Variants in NGLY1 observed in about 807,000 individuals in gnomAD.
NGLY1 encodes the protein N-glycanase 1.
In NGLY1, 68 loss-of-function variants were observed where a neutral mutation model predicts 84.6. That is an observed-to-expected ratio of 0.80 (90% confidence interval 0.66 to 0.98). The LOEUF is 0.98. Ranked by LOEUF, NGLY1 falls within the 50% of genes least tolerant of loss-of-function variation. The probability of loss-of-function intolerance (pLI) is 0.00; values close to 1 mark genes in which losing one functional copy is unlikely to be tolerated. For synonymous variants in NGLY1, 280 were observed against 275.2 expected (o/e 1.02, Z -0.17); for missense variants, 779 against 770.2 (o/e 1.01, Z -0.14).
At chr3:25,721,832 A>AT (rs1705011423) in intron 10 of NGLY1, among the ~76,000 whole-genome samples, 2 of 144,640 alleles carry the variant, frequency 1.4e-5, no homozygotes, top group South Asian at 4.4e-4. Context: ...GCTCCTTTTT[A>AT]TTTTTTTATA....
At chr3:25,734,177 T>C in intron 7 of NGLY1, 195 bp from the exon 8 acceptor site, 1 of 568,466 alleles carries the variant, frequency 1.8e-6, no homozygotes, top group Non-Finnish European at 2.9e-6. Context: ...GAGATTCTCG[T>C]ATCTCAGCCT....
intron 4 of NGLY1, among the ~76,000 whole-genome samples, chr3:25,748,047 C>T (rs931279105): frequency 3.3e-5 from 5 of 152,074 alleles, no homozygotes; most frequent in African/African-American, 1.2e-4. Flanking sequence ...CAATTAAGGC[C>T]TCTCCAGGGA....
At chr3:25,721,506 C>A (rs1164320924) in intron 10 of NGLY1, among the ~76,000 whole-genome samples, 1 of 152,052 alleles carries the variant, frequency 6.6e-6, no homozygotes, top group East Asian at 1.9e-4. Context: ...GTAATCCCAG[C>A]ACTTTGGGAG....
chr3:25,743,267 C>T (rs1008717584), intron 4 of NGLY1, among the ~76,000 whole-genome samples: 1 of 152,096 alleles, frequency 6.6e-6, no homozygotes, highest in Non-Finnish European at 1.5e-5. Flanking sequence ...TTTATTTCAC[C>T]AAGTTTGTGG....
chr3:25,774,634 C>T (rs886201263), intron 2 of NGLY1, among the ~76,000 whole-genome samples: 1 of 152,174 alleles, frequency 6.6e-6, no homozygotes. Flanking sequence ...GTCTCACTCC[C>T]ACCATGCTCC....
intron 6 of NGLY1, 74 bp downstream of exon 6, chr3:25,737,260 T>A: frequency 7.8e-7 from 1 of 1,285,676 alleles, no homozygotes; most frequent in Non-Finnish European, 1.1e-6. Context: ...CAGAGAATCA[T>A]GGGCTCAGAA....
chr3:25,749,677 CA>C, intron 4 of NGLY1: 1 of 1,566,620 alleles, frequency 6.4e-7, no homozygotes. Context: ...ATGGGAGCAA[CA>C]AAAAAACAAA....
At position 25,780,596 on chromosome 3, in the gene NGLY1, T is replaced by C. The variant is rs1007946019; in HGVS notation, c.132-1908A>G. 7.2e-5 allele frequency among the ~76,000 whole-genome samples: 11 copies of C among 152,202 alleles called. No individual in the cohort carries two copies. In the South Asian group the frequency reaches 2.3e-3, roughly 31 times the overall value. On this transcript the variant is annotated intron_variant, in intron 1 of 11. Coordinates refer to ENST00000280700, the MANE Select transcript of NGLY1 (RefSeq NM_018297.4). ...TTTCACAATTGTTTAAAAATTCTTA[T>C]AAAATACACATCAGTTCTCATATAG...
chr3:25,767,983 G>A (rs1707674937), intron 2 of NGLY1, among the ~76,000 whole-genome samples: 1 of 151,444 alleles, frequency 6.6e-6, no homozygotes, highest in Admixed American at 6.6e-5. Context: ...CGTGGTGGCA[G>A]GCACCTGTAA....
upstream of NGLY1, chr3:25,783,662 G>C (rs1258437670): frequency 1.4e-5 from 4 of 278,234 alleles, no homozygotes; most frequent in African/African-American, 7.1e-5. This position sits in a 1 kb window ranked among gnomAD's most constrained non-coding sequence, Gnocchi z 4.5. Flanking sequence ...GCTCGGCTGG[G>C]AGCTACGGCT....
intron 5 of NGLY1, among the ~76,000 whole-genome samples, chr3:25,737,787 G>A (rs899695070): frequency 1.1e-4 from 16 of 151,978 alleles, no homozygotes; most frequent in Admixed American, 9.2e-4. Context: ...CTCGTGATTC[G>A]CCCGCCTCAG....
At chr3:25,750,995 C>A in intron 4 of NGLY1, 103 bp downstream of exon 4, 2 of 1,109,204 alleles carry the variant, frequency 1.8e-6, no homozygotes, top group South Asian at 1.6e-5. Context: ...TGGACCCATG[C>A]AGTTCAAACC....
At chr3:25,746,439 G>A (rs752677605) in intron 4 of NGLY1, among the ~76,000 whole-genome samples, 9 of 152,304 alleles carry the variant, frequency 5.9e-5, no homozygotes, top group Non-Finnish European at 1.0e-4. Flanking sequence ...CCAATGTGAT[G>A]AAGTTATTGA....
In NGLY1 at chr3:25,719,637, T is replaced by C; in HGVS notation, c.1790-2A>G. ...CAGCATAGGAGTGAAGACTGTTATC[T>C]GTTAGAGGGAAAAAAAAAATTAACA... is the stretch of plus-strand genomic sequence containing the variant. On this transcript the variant is annotated splice_acceptor_variant, in intron 11 of 11. Coordinates refer to ENST00000280700, the MANE Select transcript of NGLY1 (RefSeq NM_018297.4). LOFTEE classifies it high-confidence loss of function. 6.3e-7 allele frequency: 1 copy of C among 1,594,166 alleles called. No individual in the cohort carries two copies. Among genetic ancestry groups the C allele is most frequent in the Non-Finnish European group, 8.5e-7 (1 of 1,171,680 alleles).
chr3:25,778,462 T>C (rs1708252260), intron 2 of NGLY1, 112 bp downstream of exon 2: 2 of 539,454 alleles, frequency 3.7e-6, no homozygotes, highest in Non-Finnish European at 6.5e-6. Flanking sequence ...CTTCTACTGA[T>C]TCCCAAAATG....
rs139924222 is a variant in NGLY1, at chr3:25,771,098, T to C, written c.247-6787A>G. On this transcript the variant is annotated intron_variant, in intron 2 of 11. Transcript: ENST00000280700. ...TTTTATTGCATTTGTTTTTGGGTTC[T>C]TGGTCATGAAGTCTTCGTCTAAGCC... 4.4e-3 allele frequency among the ~76,000 whole-genome samples: 663 copies of C among 152,360 alleles called. 4 individuals are homozygous for C. The highest frequency in any genetic ancestry group is 0.015 in the African/African-American group (614 of 41,594).
intron 3 of NGLY1, among the ~76,000 whole-genome samples, chr3:25,762,851 G>A (rs760447331): frequency 4.6e-5 from 7 of 152,184 alleles, no homozygotes; most frequent in Admixed American, 1.3e-4. Flanking sequence ...CTACTCGGGA[G>A]GCGCAGGCTA....
At chr3:25,754,732 ACT>A (rs1297617271) in intron 3 of NGLY1, among the ~76,000 whole-genome samples, 1 of 151,344 alleles carries the variant, frequency 6.6e-6, no homozygotes, top group Non-Finnish European at 1.5e-5. Flanking sequence ...TGGTGACTGT[ACT>A]ATGAAGTCAA....
In NGLY1 at chr3:25,737,427, T is replaced by C. The variant is rs530497544; in HGVS notation, c.910A>G (p.Thr304Ala). 1 of 1,612,694 alleles carries C rather than the reference T, an allele frequency of 6.2e-7. No individual in the cohort carries two copies. The highest frequency in any genetic ancestry group is 2.2e-5 in the East Asian group (1 of 44,864). Residue 304 changes from threonine to alanine, a missense_variant, in exon 6 of 12, where the codon ACA (threonine) becomes GCA (alanine). Coordinates refer to ENST00000280700, the MANE Select transcript of NGLY1 (RefSeq NM_018297.4). Reference sequence around the variant, plus strand: ...CACTCGCCACACCGTCCACATCTTGTTTCCAAAAGTTTCTCAGGGTTATTA... The same window carrying C: ...CACTCGCCACACCGTCCACATCTTGCTTCCAAAAGTTTCTCAGGGTTATTA... Reference protein sequence around the residue: ...RYNNPEKLLETRCGRCGEWAN... With the variant: ...RYNNPEKLLEARCGRCGEWAN...
Sources: gnomAD v4.1 joint callset for allele counts (sites outside exome capture counted in the v4.1 genomes callset) on GRCh38, gnomAD v4.1.1 for gene constraint, Gnocchi (gnomAD v3.1) non-coding constraint, MANE v1.5 for transcripts, NCBI Gene and HGNC (gene_info 2026-07-23, HGNC 2026-07-21) for gene names.